Variants in ZNF804A observed in about 807,000 individuals in gnomAD.
ZNF804A encodes the protein zinc finger protein 804A.
ZNF804A carries 2 observed loss-of-function variants against 16.5 expected under a neutral mutation model. The ratio of observed to expected loss-of-function variants is 0.12; its 90% CI spans 0.05 to 0.38. The LOEUF (loss-of-function observed/expected upper bound fraction) is 0.38, where lower values mean the gene tolerates loss of function less well. ZNF804A is among the 10% of genes least tolerant of loss of function. The pLI is 0.99. For synonymous variants in ZNF804A, 534 were observed against 489.6 expected (o/e 1.09, Z -1.20); for missense variants, 1,473 against 1,390.7 (o/e 1.06, Z -0.94).
At chr2:184,748,168 A>G (rs1359367790) in intron 1 of ZNF804A, among the ~76,000 whole-genome samples, 1 of 151,352 alleles carries the variant, frequency 6.6e-6, no homozygotes, top group Non-Finnish European at 1.5e-5. Context: ...GTTGAATGTT[A>G]GCTTTGTTTT....
chr2:184,636,785 G>A (rs1691707153), intron 1 of ZNF804A, among the ~76,000 whole-genome samples: 1 of 151,940 alleles, frequency 6.6e-6, no homozygotes, highest in Admixed American at 6.6e-5. Flanking sequence ...TTTACATTAT[G>A]GTTCACTAGT....
chr2:184,652,414 A>G (rs1692001137), intron 1 of ZNF804A, among the ~76,000 whole-genome samples: 1 of 152,124 alleles, frequency 6.6e-6, no homozygotes, highest in African/African-American at 2.4e-5. Context: ...CTTCTCATGT[A>G]TCTCCTGAAT....
chr2:184,771,345 G>A (rs1694209511), intron 1 of ZNF804A, among the ~76,000 whole-genome samples: 1 of 151,960 alleles, frequency 6.6e-6, no homozygotes, highest in South Asian at 2.1e-4. Flanking sequence ...AACAAAACAT[G>A]TATTTAATAT....
chr2:184,682,159 T>C (rs1174998835), intron 1 of ZNF804A, among the ~76,000 whole-genome samples: 1 of 152,102 alleles, frequency 6.6e-6, no homozygotes, highest in African/African-American at 2.4e-5. Context: ...GGAGTGTTGA[T>C]GGCAGGAGGC....
chr2:184,937,718 A>G lies in ZNF804A; in HGVS notation c.2322A>G (p.Gln774=), dbSNP rs751143229. The change falls in exon 4 of 4, where the codon CAA becomes CAG. Residue 774 remains glutamine, a synonymous_variant. Coordinates refer to ENST00000302277, the MANE Select transcript of ZNF804A (RefSeq NM_194250.2). ...ESERFYRKRR[Q]HSHSYSSDES... The stretch of plus-strand genomic sequence containing the variant: ...AAAGATTCTATCGAAAACGTAGACA[A>G]CATTCACATTCTTATTCTTCAGATG... The G allele has an allele frequency of 1.9e-6, 3 of 1,614,078 alleles. No individual in the cohort carries two copies. The highest frequency in any genetic ancestry group is 2.2e-5 in the East Asian group (1 of 44,852).
At chr2:184,687,089 C>G (rs1456353801) in intron 1 of ZNF804A, among the ~76,000 whole-genome samples, 5 of 152,108 alleles carry the variant, frequency 3.3e-5, no homozygotes, top group Non-Finnish European at 5.9e-5. Context: ...TAAAAAAATT[C>G]TTTGCCAACG....
At chr2:184,693,678 A>G (rs17508905) in intron 1 of ZNF804A, among the ~76,000 whole-genome samples, 7,885 of 152,160 alleles carry the variant, frequency 0.052, 260 homozygotes, top group Non-Finnish European at 0.077. Context: ...AATAGTTCCT[A>G]TATGTGCCTA....
At chr2:184,711,524 G>T (rs192021548) in intron 1 of ZNF804A, among the ~76,000 whole-genome samples, 1 of 151,710 alleles carries the variant, frequency 6.6e-6, no homozygotes, top group African/African-American at 2.4e-5. Context: ...AGTACTACTT[G>T]TCTATTTTTG....
chr2:184,629,722 T>C (rs1691574013), intron 1 of ZNF804A, among the ~76,000 whole-genome samples: 8 of 152,186 alleles, frequency 5.3e-5, no homozygotes, highest in Admixed American at 5.2e-4. Flanking sequence ...TTCTGTAATC[T>C]AGCTATTGCA....
intron 1 of ZNF804A, among the ~76,000 whole-genome samples, chr2:184,857,602 A>G (rs1187186404): frequency 6.6e-6 from 1 of 152,142 alleles, no homozygotes; most frequent in Non-Finnish European, 1.5e-5. Flanking sequence ...TTATTATATT[A>G]TAGTCTATCT....
chr2:184,856,815 A>G (rs897159136), intron 1 of ZNF804A, among the ~76,000 whole-genome samples: 4 of 152,130 alleles, frequency 2.6e-5, no homozygotes, highest in Non-Finnish European at 5.9e-5. Context: ...TCCCCAAGAT[A>G]TCTCATTATG....
chr2:184,814,147 T>C (rs1026340590), intron 1 of ZNF804A, among the ~76,000 whole-genome samples: 1 of 151,862 alleles, frequency 6.6e-6, no homozygotes, highest in Non-Finnish European at 1.5e-5. Flanking sequence ...TTTTGAAAGG[T>C]AGAAACTGCC....
At chr2:184,845,429 C>T (rs542368225) in intron 1 of ZNF804A, among the ~76,000 whole-genome samples, 1 of 152,118 alleles carries the variant, frequency 6.6e-6, no homozygotes, top group Admixed American at 6.6e-5. Context: ...TCTTTCTCCC[C>T]CAGGCCTTTA....
intron 1 of ZNF804A, among the ~76,000 whole-genome samples, chr2:184,791,487 A>C (rs949960530): frequency 2.6e-5 from 4 of 152,144 alleles, no homozygotes; most frequent in African/African-American, 9.7e-5. Flanking sequence ...ATAAGCTCCC[A>C]ATCTCTTGTC....
intron 1 of ZNF804A, among the ~76,000 whole-genome samples, chr2:184,702,956 A>T (rs1049440082): frequency 6.6e-6 from 1 of 152,138 alleles, no homozygotes; most frequent in Admixed American, 6.5e-5. Context: ...CTCAGTAAAT[A>T]TTGTTTGAAT....
chr2:184,673,638 A>G (rs1050139352), intron 1 of ZNF804A, among the ~76,000 whole-genome samples: 1 of 152,202 alleles, frequency 6.6e-6, no homozygotes, highest in Non-Finnish European at 1.5e-5. Context: ...GAATTGCCTC[A>G]TGAGCTGACA....
intron 1 of ZNF804A, among the ~76,000 whole-genome samples, chr2:184,795,155 G>A (rs977256317): frequency 2.6e-5 from 4 of 152,100 alleles, no homozygotes; most frequent in African/African-American, 9.7e-5. Context: ...CTCCAGGGTA[G>A]ACCATATTTT....
At chr2:184,762,827 G>T (rs1473082303) in intron 1 of ZNF804A, among the ~76,000 whole-genome samples, 8 of 152,040 alleles carry the variant, frequency 5.3e-5, no homozygotes, top group Non-Finnish European at 1.2e-4. Flanking sequence ...TTTCTAAGCA[G>T]TGAGGAAATG....
intron 1 of ZNF804A, among the ~76,000 whole-genome samples, chr2:184,839,741 A>G (rs1033333672): frequency 6.6e-6 from 1 of 152,174 alleles, no homozygotes; most frequent in Non-Finnish European, 1.5e-5. Context: ...AATGTTTACT[A>G]CATATAAATA....
Sources: gnomAD v4.1 joint callset for allele counts (sites outside exome capture counted in the v4.1 genomes callset) on GRCh38, gnomAD v4.1.1 for gene constraint, MANE v1.5 for transcripts, NCBI Gene and HGNC (gene_info 2026-07-23, HGNC 2026-07-21) for gene names.